The following SRPK2 variants were observed in gnomAD, a reference collection of about 807,000 sequenced individuals.
SRPK2 encodes SRSF protein kinase 2, also known as SFRS protein kinase 2.
SRPK2 carries 21 observed loss-of-function variants against 90.8 expected under a neutral mutation model. That is an observed-to-expected ratio of 0.23 (90% CI 0.16 to 0.33). The LOEUF is 0.33. Among genes scored for constraint, SRPK2 ranks in the 10% least tolerant of loss-of-function variants. The probability of loss-of-function intolerance (pLI) is 1.00; values close to 1 mark genes in which losing one functional copy is unlikely to be tolerated. For synonymous variants in SRPK2, 288 were observed against 311.1 expected (o/e 0.93, Z 0.78); for missense variants, 620 against 869.0 (o/e 0.71, Z 3.60).
Position 105,308,753 on chromosome 7 carries a change from T to C in SRPK2, c.71+79895A>G, listed in dbSNP as rs561617959. 2.6e-5 allele frequency among the ~76,000 whole-genome samples: 4 copies of C among 152,320 alleles called. 1 individual carries two copies. Among genetic ancestry groups the C allele is most frequent in the African/African-American group, 9.6e-5 (4 of 41,572 alleles). Reference sequence around the variant, plus strand: ...ATTTTGTCTAATTCAATCTACATAGTAGCTTATTAAGAGGATATTGTCAGC... The same window carrying C: ...ATTTTGTCTAATTCAATCTACATAGCAGCTTATTAAGAGGATATTGTCAGC... On this transcript the variant is annotated intron_variant, in intron 2 of 15. Coordinates refer to ENST00000393651, the MANE Select transcript of SRPK2 (RefSeq NM_182692.3).
At chr7:105,141,069 A>G (rs367592904) in intron 11 of SRPK2, among the ~76,000 whole-genome samples, 1 of 152,200 alleles carries the variant, frequency 6.6e-6, no homozygotes, top group African/African-American at 2.4e-5. Flanking sequence ...ATTAACCTAC[A>G]TTCTATGTAA....
chr7:105,193,203 G>T (rs1794521809), intron 3 of SRPK2, among the ~76,000 whole-genome samples: 1 of 152,140 alleles, frequency 6.6e-6, no homozygotes, highest in Non-Finnish European at 1.5e-5. Context: ...GATCCATCTT[G>T]AGTTGATTTT....
At chr7:105,182,431 G>A (rs996302295) in intron 3 of SRPK2, among the ~76,000 whole-genome samples, 5 of 147,824 alleles carry the variant, frequency 3.4e-5, no homozygotes, top group African/African-American at 7.5e-5. Context: ...TGCAAAACTT[G>A]TGACTTTGTT....
chr7:105,345,790 T>C (rs1245327809), intron 2 of SRPK2, among the ~76,000 whole-genome samples: 1 of 152,242 alleles, frequency 6.6e-6, no homozygotes, highest in African/African-American at 2.4e-5. Context: ...TCCATTATCA[T>C]AGCCATCAGC....
chr7:105,200,480 A>G (rs1219098781), intron 3 of SRPK2, among the ~76,000 whole-genome samples: 2 of 152,148 alleles, frequency 1.3e-5, no homozygotes, highest in Non-Finnish European at 2.9e-5. Flanking sequence ...TTATCAGTCC[A>G]CCCGAGACAG....
intron 2 of SRPK2, among the ~76,000 whole-genome samples, chr7:105,290,531 A>T (rs1808835146): frequency 6.6e-6 from 1 of 152,078 alleles, no homozygotes; most frequent in South Asian, 2.1e-4. Context: ...CCACAATATT[A>T]GCAAAGTGCA....
intron 2 of SRPK2, among the ~76,000 whole-genome samples, chr7:105,292,328 CA>C (rs1809147553): frequency 6.6e-6 from 1 of 151,850 alleles, no homozygotes; most frequent in African/African-American, 2.4e-5. Flanking sequence ...GCCAGCATGG[CA>C]AAACCCCATC....
intron 3 of SRPK2, among the ~76,000 whole-genome samples, chr7:105,174,586 A>G (rs1791595052): frequency 6.6e-6 from 1 of 152,184 alleles, no homozygotes; most frequent in African/African-American, 2.4e-5. Context: ...AGGGGTGGAA[A>G]AAAGAAATTT....
chr7:105,357,607 G>A (rs1052915838), intron 2 of SRPK2, among the ~76,000 whole-genome samples: 23 of 152,078 alleles, frequency 1.5e-4, no homozygotes, highest in South Asian at 6.2e-4. Context: ...AGCCGGGTGC[G>A]GTGGTGTGCG....
At chr7:105,281,282 A>G (rs1032107806) in intron 2 of SRPK2, among the ~76,000 whole-genome samples, 2 of 151,930 alleles carry the variant, frequency 1.3e-5, no homozygotes, top group African/African-American at 4.8e-5. Flanking sequence ...TTTTTAGTAG[A>G]GATGGGTTTC....
chr7:105,197,634 G>A (rs1383647683), intron 3 of SRPK2, among the ~76,000 whole-genome samples: 1 of 152,090 alleles, frequency 6.6e-6, no homozygotes, highest in Non-Finnish European at 1.5e-5. Flanking sequence ...TTGACCAAAG[G>A]GAACCTTTCA....
intron 2 of SRPK2, among the ~76,000 whole-genome samples, chr7:105,285,021 T>C (rs933832952): frequency 1.3e-5 from 2 of 152,158 alleles, no homozygotes; most frequent in African/African-American, 4.8e-5. Flanking sequence ...TGAGTCAATA[T>C]TCCAGGATCC....
intron 2 of SRPK2, among the ~76,000 whole-genome samples, chr7:105,210,832 C>T (rs1796766105): frequency 6.6e-6 from 1 of 152,186 alleles, no homozygotes; most frequent in South Asian, 2.1e-4. Flanking sequence ...AAGCAGACAT[C>T]ATTTGTGAAC....
In SRPK2 at chr7:105,259,967, C is replaced by T. The variant is rs146602244; in HGVS notation, c.72-56182G>A. On this transcript the variant is annotated intron_variant, in intron 2 of 15. Coordinates refer to ENST00000393651, the MANE Select transcript of SRPK2 (RefSeq NM_182692.3). ...AACCTAGGCAATACCATTCAGGACA[C>T]AGGCATGGGCAAAGACTTCACGACT... is the stretch of plus-strand genomic sequence containing the variant. Among the ~76,000 whole-genome samples the T allele has an allele frequency of 3.2e-3, 487 of 152,208 alleles. 3 individuals are homozygous for T. Among genetic ancestry groups the T allele is most frequent in the African/African-American group, 0.011 (452 of 41,530 alleles).
At chr7:105,192,916 T>C (rs181358012) in intron 3 of SRPK2, among the ~76,000 whole-genome samples, 3 of 152,204 alleles carry the variant, frequency 2.0e-5, no homozygotes, top group Admixed American at 6.5e-5. Flanking sequence ...CTAATTTGAG[T>C]TCATTGTAGT....
At chr7:105,176,459 T>G (rs1001819964) in intron 3 of SRPK2, among the ~76,000 whole-genome samples, 2 of 151,798 alleles carry the variant, frequency 1.3e-5, no homozygotes, top group Admixed American at 6.6e-5. Context: ...AGTACAGTCA[T>G]GCAAAATAAA....
At chr7:105,219,217 T>C (rs1201400703) in intron 2 of SRPK2, among the ~76,000 whole-genome samples, 1 of 152,064 alleles carries the variant, frequency 6.6e-6, no homozygotes, top group Non-Finnish European at 1.5e-5. Context: ...AGACGGAACA[T>C]TTTGGAGACA....
intron 2 of SRPK2, chr7:105,301,850 T>A (rs950401837): frequency 1.3e-6 from 2 of 1,570,120 alleles, no homozygotes. Context: ...ATAAGAGCAG[T>A]TCATGGAGAA....
intron 2 of SRPK2, among the ~76,000 whole-genome samples, chr7:105,364,405 G>GTTTTTTT (rs71152964): frequency 7.5e-6 from 1 of 133,904 alleles, no homozygotes; most frequent in Admixed American, 7.9e-5. Flanking sequence ...CGTGTGTAAC[G>GTTTTTTT]TTTTTTTTTT....
Sources: gnomAD v4.1 joint callset for allele counts (sites outside exome capture counted in the v4.1 genomes callset) on GRCh38, gnomAD v4.1.1 for gene constraint, MANE v1.5 for transcripts, NCBI Gene and HGNC (gene_info 2026-07-23, HGNC 2026-07-21) for gene names.